MSRB3: variants seen among roughly 807,000 people sequenced by gnomAD.
MSRB3 encodes methionine sulfoxide reductase B3.
In MSRB3, 13 loss-of-function variants were observed where a neutral mutation model predicts 21.0. That is an observed-to-expected ratio of 0.62 (90% CI 0.40 to 0.98). The LOEUF is 0.98. Ranked by LOEUF, MSRB3 falls within the 50% of genes least tolerant of loss-of-function variation. MSRB3 has a pLI of 0.00. For missense variants in MSRB3, 199 were observed against 230.3 expected, an observed-to-expected ratio of 0.86 and a Z score of 0.88; for synonymous variants, 87 against 88.6, an observed-to-expected ratio of 0.98 and a Z score of 0.10.
intron 5 of MSRB3, among the ~76,000 whole-genome samples, chr12:65,440,139 T>C (rs963877873): frequency 1.3e-5 from 2 of 151,626 alleles, no homozygotes; most frequent in Non-Finnish European, 3.0e-5. Context: ...TAGAAGAAAA[T>C]AAAATTATAA....
intron 1 of MSRB3, among the ~76,000 whole-genome samples, chr12:65,295,088 C>T (rs559239449): frequency 6.6e-6 from 1 of 152,318 alleles, no homozygotes; most frequent in South Asian, 2.1e-4. Flanking sequence ...GCCGCAACTG[C>T]CAAAGTGCTG....
chr12:65,318,769 C>T lies in MSRB3; in HGVS notation c.77-8057C>T, dbSNP rs142583291. 3.5e-4 allele frequency among the ~76,000 whole-genome samples: 53 copies of T among 152,236 alleles called. No individual in the cohort carries two copies. In the East Asian group the frequency reaches 9.3e-3, roughly 27 times the overall value. ...CCTAAACTCTAGGCTTTGTGGTCCA[C>T]ATTAACACAAAAAGTGTTGCTCTCA... On this transcript the variant is annotated intron_variant, in intron 2 of 6. Transcript: ENST00000308259.
chr12:65,344,575 C>T (rs909131438), intron 4 of MSRB3, among the ~76,000 whole-genome samples: 1 of 151,812 alleles, frequency 6.6e-6, no homozygotes, highest in Admixed American at 6.6e-5. Context: ...AGAACTGGGT[C>T]TTTTTCTAGA....
chr12:65,319,310 G>A (rs979436468), intron 2 of MSRB3, among the ~76,000 whole-genome samples: 1 of 151,890 alleles, frequency 6.6e-6, no homozygotes, highest in African/African-American at 2.4e-5. Context: ...ATCAGGATAG[G>A]GTAATGACCA....
chr12:65,443,891 T>G (rs1261467828), intron 5 of MSRB3, among the ~76,000 whole-genome samples: 4 of 152,158 alleles, frequency 2.6e-5, no homozygotes, highest in Non-Finnish European at 5.9e-5. Context: ...CTGGCAACTA[T>G]CATTCTACTT....
intron 5 of MSRB3, among the ~76,000 whole-genome samples, chr12:65,432,545 T>G (rs548074298): frequency 6.6e-6 from 1 of 152,186 alleles, no homozygotes; most frequent in African/African-American, 2.4e-5. Context: ...TAATCCTGAC[T>G]AAGGTAAATG....
intron 4 of MSRB3, among the ~76,000 whole-genome samples, chr12:65,332,507 G>A (rs1005653930): frequency 6.6e-6 from 1 of 151,934 alleles, no homozygotes; most frequent in African/African-American, 2.4e-5. Context: ...GAGTGGGGAG[G>A]GAAAGCATTA....
At chr12:65,460,996 C>A (rs2136717198) in intron 6 of MSRB3, among the ~76,000 whole-genome samples, 1 of 152,204 alleles carries the variant, frequency 6.6e-6, no homozygotes, top group East Asian at 1.9e-4. Context: ...GAAATATTTT[C>A]TAAAGATGCT....
intron 5 of MSRB3, among the ~76,000 whole-genome samples, chr12:65,425,332 G>A (rs1219252290): frequency 2.0e-5 from 3 of 152,026 alleles, no homozygotes; most frequent in African/African-American, 4.8e-5. Flanking sequence ...TTTGATTGGA[G>A]AAGTTGGTTC....
At position 65,308,587 on chromosome 12, in the gene MSRB3, C is replaced by T; in HGVS notation, c.8C>T (p.Ala3Val). The part of the protein sequence containing the change: MS[A>V]FNLLHLVTKS... ...GGTGAAGATATCACAGTGATGTCTG[C>T]ATTCAACCTGCTGCATTTGGTGACA... is the stretch of plus-strand genomic sequence containing the variant. The change falls in exon 2 of 7, where the codon GCA becomes GTA. Residue 3 changes from alanine (A) to valine (V), a missense_variant. By Grantham distance (64) the Ala-to-Val change is moderately conservative. Transcript: ENST00000308259. 6.2e-7 allele frequency: 1 copy of T among 1,613,934 alleles called. No individual in the cohort carries two copies. The highest frequency in any genetic ancestry group is 8.5e-7 in the Non-Finnish European group (1 of 1,179,884).
At chr12:65,318,817 A>C (rs1874475066) in intron 2 of MSRB3, among the ~76,000 whole-genome samples, 1 of 152,212 alleles carries the variant, frequency 6.6e-6, no homozygotes, top group South Asian at 2.1e-4. Context: ...AATTTTGAAG[A>C]GTTGATAAGA....
chr12:65,372,841 G>T (rs1233789026), intron 5 of MSRB3, among the ~76,000 whole-genome samples: 2 of 152,168 alleles, frequency 1.3e-5, no homozygotes, highest in African/African-American at 4.8e-5. Flanking sequence ...AGAACTTACT[G>T]GCTTTGCTTT....
intron 5 of MSRB3, among the ~76,000 whole-genome samples, chr12:65,388,703 C>T (rs1324375398): frequency 1.3e-5 from 2 of 152,034 alleles, no homozygotes; most frequent in Non-Finnish European, 2.9e-5. Context: ...GAACCCGTCT[C>T]TCCAAGAACA....
chr12:65,454,090 T>C, intron 6 of MSRB3: 1 of 618,814 alleles, frequency 1.6e-6, no homozygotes, highest in Non-Finnish European at 2.9e-6. Flanking sequence ...TCAAGACGAG[T>C]CCGGGCAACC....
chr12:65,288,305 C>T (rs1291414074), intron 1 of MSRB3, among the ~76,000 whole-genome samples: 2 of 142,390 alleles, frequency 1.4e-5, no homozygotes, highest in Admixed American at 6.9e-5. Context: ...CCGTCCCCCC[C>T]GCAAAAAAAA....
chr12:65,401,945 C>A (rs979093975), intron 5 of MSRB3, among the ~76,000 whole-genome samples: 2 of 152,218 alleles, frequency 1.3e-5, no homozygotes, highest in Non-Finnish European at 2.9e-5. Context: ...GACCCCCACT[C>A]TCTTCTGGCT....
intron 1 of MSRB3, among the ~76,000 whole-genome samples, chr12:65,305,469 T>C (rs1873597812): frequency 6.6e-6 from 1 of 152,188 alleles, no homozygotes; most frequent in South Asian, 2.1e-4. Flanking sequence ...AGGCTTTTCA[T>C]TGCCAGTTGT....
chr12:65,409,424 G>A (rs1033102323), intron 5 of MSRB3, among the ~76,000 whole-genome samples: 1 of 152,022 alleles, frequency 6.6e-6, no homozygotes, highest in African/African-American at 2.4e-5. Flanking sequence ...TTGTAGCACA[G>A]TGTTAAGTAT....
chr12:65,390,221 A>C (rs73119489), intron 5 of MSRB3, among the ~76,000 whole-genome samples: 1,655 of 152,294 alleles, frequency 0.011, 22 homozygotes, highest in Non-Finnish European at 0.018. Flanking sequence ...TACAGCCTGA[A>C]GATAAACTCA....
Sources: allele counts gnomAD v4.1 joint callset (sites outside exome capture counted in the v4.1 genomes callset), GRCh38; gene constraint gnomAD v4.1.1; transcripts MANE v1.5; gene names NCBI Gene and HGNC (gene_info 2026-07-23, HGNC 2026-07-21).